QRICH1: variants seen among roughly 807,000 people sequenced by gnomAD.
The protein encoded by QRICH1 is transcriptional regulator QRICH1.
Under a neutral mutation model 87.1 loss-of-function variants are expected in QRICH1, and 16 were observed. The ratio of observed to expected loss-of-function variants is 0.18; its 90% CI spans 0.12 to 0.28. QRICH1 has a LOEUF of 0.28. QRICH1 is among the 10% of genes least tolerant of loss of function. QRICH1 has a pLI of 1.00. For missense variants in QRICH1, 647 were observed against 951.7 expected, an observed-to-expected ratio of 0.68 and a Z score of 4.21; for synonymous variants, 367 against 368.4, an observed-to-expected ratio of 1.00 and a Z score of 0.05.
rs191175643 is a variant in QRICH1 at position 49,030,794 on chromosome 3, A to G, written c.2139-150T>C. ...ATTCCATGCAGCCACCACACACTAC[A>G]TCCTGGTCCTCCTTTGGGACTACTG... On this transcript the variant is annotated intron_variant, in intron 9 of 9. Coordinates refer to ENST00000395443, the MANE Select transcript of QRICH1 (RefSeq NM_198880.3). 219 of 696,322 alleles carry G rather than the reference A, an allele frequency of 3.1e-4. 3 individuals carry two copies. In the East Asian group the frequency reaches 3.9e-3, roughly 12 times the overall value. The allele number at this position is 696,322 out of a possible 1,614,324, so 43.1% of individuals were successfully genotyped here.
At chr3:49,069,531 C>T (rs1197734493) in intron 2 of QRICH1, among the ~76,000 whole-genome samples, 1 of 145,898 alleles carries the variant, frequency 6.9e-6, no homozygotes, top group Non-Finnish European at 1.5e-5. Context: ...AAATACAGAT[C>T]CATGGGGGGG....
chr3:49,056,674 C>T (rs1252641218), intron 3 of QRICH1, 188 bp downstream of exon 3: 3 of 1,099,796 alleles, frequency 2.7e-6, no homozygotes, highest in Non-Finnish European at 3.9e-6. Context: ...CTCCAGGTAC[C>T]AGGATAAACT....
At chr3:49,069,035 A>G (rs1559945903) in intron 2 of QRICH1, among the ~76,000 whole-genome samples, 1 of 151,952 alleles carries the variant, frequency 6.6e-6, no homozygotes, top group African/African-American at 2.4e-5. Flanking sequence ...ATTTGTGATA[A>G]GACTTTTAGA....
chr3:49,048,791 AAAAAAAAACC>A (rs2093353537), intron 3 of QRICH1, among the ~76,000 whole-genome samples: 2 of 150,894 alleles, frequency 1.3e-5, no homozygotes, highest in African/African-American at 2.4e-5. Flanking sequence ...CTGTTCACAA[AAAAAAAAACC>A]AAAAAAAAAA....
intron 2 of QRICH1, among the ~76,000 whole-genome samples, chr3:49,071,642 G>C (rs1288686690): frequency 6.6e-6 from 1 of 152,144 alleles, no homozygotes; most frequent in African/African-American, 2.4e-5. Context: ...AGGAAGAGGA[G>C]GTCAAAGCTG....
At chr3:49,035,352 G>A (rs747458597) in intron 6 of QRICH1, among the ~76,000 whole-genome samples, 4 of 152,056 alleles carry the variant, frequency 2.6e-5, no homozygotes, top group Non-Finnish European at 5.9e-5. Context: ...GATTACAGGC[G>A]GGAGCCACCA....
At chr3:49,051,850 A>G (rs943858895) in intron 3 of QRICH1, among the ~76,000 whole-genome samples, 1 of 152,160 alleles carries the variant, frequency 6.6e-6, no homozygotes, top group Non-Finnish European at 1.5e-5. Flanking sequence ...GTGTGCTTCC[A>G]AACACTAAAT....
At chr3:49,082,552 A>G (rs546187979) in intron 1 of QRICH1, among the ~76,000 whole-genome samples, 1 of 152,254 alleles carries the variant, frequency 6.6e-6, no homozygotes, top group South Asian at 2.1e-4. Flanking sequence ...TCAAAAAGTT[A>G]CTTGCTATAA....
At chr3:49,081,669 T>C (rs1436090447) in intron 1 of QRICH1, among the ~76,000 whole-genome samples, 1 of 152,116 alleles carries the variant, frequency 6.6e-6, no homozygotes, top group Non-Finnish European at 1.5e-5. Flanking sequence ...CCCAGCTAAT[T>C]ACAGTATTTG....
chr3:49,082,501 C>T (rs1314360311), intron 1 of QRICH1, among the ~76,000 whole-genome samples: 1 of 151,226 alleles, frequency 6.6e-6, no homozygotes, highest in Non-Finnish European at 1.5e-5. Context: ...AGCAAAAAGG[C>T]AAATAAGCTA....
intron 2 of QRICH1, among the ~76,000 whole-genome samples, chr3:49,062,360 T>C (rs1385236655): frequency 1.4e-5 from 2 of 146,412 alleles, no homozygotes; most frequent in South Asian, 2.1e-4. Flanking sequence ...CAAGAAAAAA[T>C]TGGTGTAGTC....
At chr3:49,032,833 T>A (rs2106812594) in intron 7 of QRICH1, 60 bp from the exon 8 acceptor site, 1 of 1,540,382 alleles carries the variant, frequency 6.5e-7, no homozygotes, top group South Asian at 1.2e-5. Flanking sequence ...CCATGACTCA[T>A]CCTCTGCCCA....
intron 2 of QRICH1, among the ~76,000 whole-genome samples, chr3:49,075,488 G>A (rs148033159): frequency 3.4e-3 from 519 of 152,150 alleles, no homozygotes; most frequent in African/African-American, 0.012. Context: ...AAAATTAGCC[G>A]GGCGTGGTAG....
chr3:49,046,221 G>A (rs1050551335), intron 5 of QRICH1, among the ~76,000 whole-genome samples: 1 of 150,840 alleles, frequency 6.6e-6, no homozygotes, highest in African/African-American at 2.4e-5. Flanking sequence ...GCCCGGCCCC[G>A]GCTGTTATTT....
At chr3:49,077,096 G>A (rs928934232) in intron 1 of QRICH1, 58 bp from the exon 2 acceptor site, 8 of 1,181,032 alleles carry the variant, frequency 6.8e-6, no homozygotes, top group Non-Finnish European at 9.1e-6. Context: ...ATGCCCAGAA[G>A]CAATTACCCT....
intron 3 of QRICH1, among the ~76,000 whole-genome samples, chr3:49,051,306 A>G (rs2093368688): frequency 6.6e-6 from 1 of 152,046 alleles, no homozygotes; most frequent in African/African-American, 2.4e-5. Flanking sequence ...GGCACATCCA[A>G]CAATGTCACT....
At position 49,032,145 on chromosome 3, in the gene QRICH1, T is replaced by C. The variant is rs376383699; in HGVS notation, c.2138+38A>G. The C allele has an allele frequency of 8.1e-5, 121 of 1,488,430 alleles. 2 individuals are homozygous for C. In the Middle Eastern group the frequency reaches 2.1e-3, roughly 25 times the overall value. 92.2% of individuals were successfully genotyped at this position (1,488,430 alleles called of 1,614,324 possible). On this transcript the variant is annotated intron_variant, in intron 9 of 9. Transcript: ENST00000395443. ...GAGCATGCACACGCATACACACACA[T>C]GCGCACACATGGACAGCAAGTCACA...
chr3:49,080,526 G>GA (rs2042038353), intron 1 of QRICH1, among the ~76,000 whole-genome samples: 1 of 151,442 alleles, frequency 6.6e-6, no homozygotes, highest in South Asian at 2.1e-4. Context: ...CAAGAAAAAA[G>GA]AAACACCTCA....
At chr3:49,046,102 A>G (rs962079509) in intron 5 of QRICH1, among the ~76,000 whole-genome samples, 1 of 151,336 alleles carries the variant, frequency 6.6e-6, no homozygotes, top group Non-Finnish European at 1.5e-5. Flanking sequence ...TTTTTAGTGG[A>G]TGGGGTTTCA....
Sources: gnomAD v4.1 joint callset for allele counts (sites outside exome capture counted in the v4.1 genomes callset) on GRCh38, gnomAD v4.1.1 for gene constraint, MANE v1.5 for transcripts, NCBI Gene and HGNC (gene_info 2026-07-23, HGNC 2026-07-21) for gene names.